The following POTEF variants were observed in gnomAD, a reference collection of about 807,000 sequenced individuals.
The protein encoded by POTEF is POTE ankyrin domain family member F.
A neutral mutation model predicts 83.2 loss-of-function variants in POTEF; 20 were observed. The ratio of observed to expected loss-of-function variants is 0.24; its 90% CI spans 0.17 to 0.35. The LOEUF (loss-of-function observed/expected upper bound fraction) is 0.35. Among genes scored for constraint, POTEF ranks in the 10% least tolerant of loss-of-function variants. The pLI is 1.00. For synonymous variants in POTEF, 196 were observed against 446.4 expected, an observed-to-expected ratio of 0.44 and a Z score of 7.07; for missense variants, 550 against 1,203.2, an observed-to-expected ratio of 0.46 and a Z score of 8.03.
intron 7 of POTEF, chr2:130,109,120 G>C (rs1684632463): frequency 6.6e-6 from 1 of 150,982 alleles, no homozygotes; most frequent in African/African-American, 2.5e-5. Context: ...TTCAATATTT[G>C]GGTGGCACCC....
intron 3 of POTEF, among the ~76,000 whole-genome samples, chr2:130,116,158 G>A (rs538065287): frequency 6.6e-6 from 1 of 151,904 alleles, no homozygotes; most frequent in South Asian, 2.1e-4. Flanking sequence ...TTCTTACTTT[G>A]GTTTTCAATA....
chr2:130,120,805 A>G, intron 2 of POTEF, 197 bp from the exon 3 acceptor site: 1 of 526,770 alleles, frequency 1.9e-6, no homozygotes. Context: ...AGGGAATGCC[A>G]AACCCAGCAG....
At chr2:130,119,021 T>C (rs1684922535) in intron 3 of POTEF, among the ~76,000 whole-genome samples, 1 of 151,958 alleles carries the variant, frequency 6.6e-6, no homozygotes, top group Non-Finnish European at 1.5e-5. Context: ...CATTTTGATA[T>C]CTGGAAAAGC....
At chr2:130,109,877 G>A (rs1684660217) in intron 7 of POTEF, 1 of 151,676 alleles carries the variant, frequency 6.6e-6, no homozygotes, top group Admixed American at 6.6e-5. Flanking sequence ...CAGGGGGCTG[G>A]TGCTCTGGGA....
In POTEF at chr2:130,127,850, C is replaced by T. The variant is rs1043983595; in HGVS notation, c.-235G>A. The stretch of plus-strand genomic sequence containing the variant: ...GCCTGGCTTGGAGCAGCTAGACGGG[C>T]AAAGCCAGAAAAGCCTAGAATGGGA... On this transcript the variant is annotated 5_prime_UTR_variant, in exon 2 of 17. Transcript: ENST00000409914. 5.3e-5 allele frequency: 8 copies of T among 149,824 alleles called. No individual in the cohort carries two copies. The highest frequency in any genetic ancestry group is 2.0e-4 in the African/African-American group (8 of 39,996). The allele number at this position is 149,824 out of a possible 1,614,324, so 9.3% of individuals were successfully genotyped here.
intron 9 of POTEF, among the ~76,000 whole-genome samples, chr2:130,101,548 C>T (rs1461507116): frequency 1.3e-5 from 2 of 149,948 alleles, no homozygotes; most frequent in Non-Finnish European, 2.9e-5. Context: ...AACGAGAGAC[C>T]ATAAGGCAGA....
chr2:130,113,872 C>A (rs1289823714), intron 5 of POTEF, among the ~76,000 whole-genome samples: 1 of 151,206 alleles, frequency 6.6e-6, no homozygotes, highest in African/African-American at 2.4e-5. Flanking sequence ...GAAGATTTGG[C>A]CAAAAAGAGT....
At chr2:130,080,144 GC>G (rs1341758501) in intron 15 of POTEF, among the ~76,000 whole-genome samples, 10 of 7,386 alleles carry the variant, frequency 1.4e-3, no homozygotes, top group South Asian at 4.5e-3. Context: ...CCAAACTATT[GC>G]GGGGGGGGGG....
At chr2:130,083,469 T>TCC (rs1442559494) in intron 15 of POTEF, among the ~76,000 whole-genome samples, 1 of 141,406 alleles carries the variant, frequency 7.1e-6, no homozygotes, top group Non-Finnish European at 1.5e-5. Flanking sequence ...AGGAAAAGCC[T>TCC]GAGGGAGTGA....
chr2:130,122,650 T>C (rs565868870), intron 2 of POTEF, among the ~76,000 whole-genome samples: 2 of 151,582 alleles, frequency 1.3e-5, no homozygotes, highest in Admixed American at 6.6e-5. Flanking sequence ...TTTGACAATA[T>C]TAATTTTTTC....
intron 5 of POTEF, among the ~76,000 whole-genome samples, chr2:130,113,752 A>G (rs1684771629): frequency 6.6e-6 from 1 of 151,276 alleles, no homozygotes; most frequent in Admixed American, 6.6e-5. Context: ...CTTGTTATTT[A>G]AACATTTTCC....
At chr2:130,103,600 G>A (rs3863886) in intron 8 of POTEF, among the ~76,000 whole-genome samples, 1 of 148,064 alleles carries the variant, frequency 6.8e-6, no homozygotes, top group Non-Finnish European at 1.5e-5. Context: ...ACAGTCTTGA[G>A]CATCATCTTA....
rs548345193 is a variant in POTEF at position 130,111,983 on chromosome 2, A to T, written c.917+12T>A. 3 of 1,576,364 alleles carry T rather than the reference A, an allele frequency of 1.9e-6. No individual in the cohort carries two copies. Among genetic ancestry groups the T allele is most frequent in the Non-Finnish European group, 2.6e-6 (3 of 1,168,584 alleles). Reference sequence around the variant, plus strand: ...CCATCTACAACACACAGATTAAAAGAAAGAACTATACCTTCCATATCTATC... The same window carrying T: ...CCATCTACAACACACAGATTAAAAGTAAGAACTATACCTTCCATATCTATC... On this transcript the variant is annotated intron_variant, in intron 6 of 16. Transcript: ENST00000409914.
Position 130,117,248 on chromosome 2 carries a change from AG to A in POTEF, c.522-1921del, listed in dbSNP as rs201970997. Among the ~76,000 whole-genome samples, 895 of 152,112 alleles carry A rather than the reference AG, an allele frequency of 5.9e-3. 15 individuals are homozygous for A. The highest frequency in any genetic ancestry group is 0.019 in the African/African-American group (795 of 41,382). On this transcript the variant is annotated intron_variant, in intron 3 of 16. Transcript: ENST00000409914. ...AAAATGTATATACAATAAAATCTACAGGAACAGGTAAACACAATCCCTCTAC... is the reference window on the plus strand; with the variant it reads ...AAAATGTATATACAATAAAATCTACAGAACAGGTAAACACAATCCCTCTAC...
At chr2:130,114,522 C>G (rs1299988387) in intron 5 of POTEF, among the ~76,000 whole-genome samples, 5 of 146,416 alleles carry the variant, frequency 3.4e-5, no homozygotes, top group African/African-American at 1.3e-4. Context: ...ACATGTTTAA[C>G]TTTTCTTGGA....
intron 7 of POTEF, 139 bp downstream of exon 7, chr2:130,110,404 G>A: frequency 1.9e-6 from 3 of 1,577,274 alleles, no homozygotes; most frequent in Non-Finnish European, 2.6e-6. Flanking sequence ...TCTGGCTGAT[G>A]CAGGGGACTA....
intron 9 of POTEF, among the ~76,000 whole-genome samples, 196 bp from the exon 10 acceptor site, chr2:130,100,916 G>C (rs1162184132): frequency 6.8e-6 from 1 of 147,960 alleles, no homozygotes; most frequent in Non-Finnish European, 1.5e-5. Context: ...TTTAATCTAT[G>C]TTTAGCTACT....
chr2:130,129,030 C>A (rs899955660), intron 1 of POTEF, 42 bp downstream of exon 1: 2 of 114,630 alleles, frequency 1.7e-5, no homozygotes, highest in African/African-American at 7.4e-5. Flanking sequence ...GACACCCAAC[C>A]CCTGCCCCCA....
chr2:130,101,614 T>A (rs1684376609), intron 9 of POTEF, among the ~76,000 whole-genome samples: 1 of 149,536 alleles, frequency 6.7e-6, no homozygotes, highest in East Asian at 1.9e-4. Flanking sequence ...AGATTTTCAA[T>A]CACTGGCCAT....
Sources: gnomAD v4.1 joint callset for allele counts (sites outside exome capture counted in the v4.1 genomes callset) on GRCh38, gnomAD v4.1.1 for gene constraint, MANE v1.5 for transcripts, NCBI Gene and HGNC (gene_info 2026-07-23, HGNC 2026-07-21) for gene names.